Variants in EXOC5 observed in about 807,000 individuals in gnomAD.
EXOC5 encodes the protein SEC10-like 1.
In EXOC5, 17 loss-of-function variants were observed where a neutral mutation model predicts 90.8. The observed-to-expected ratio is 0.19, with a 90% confidence interval of 0.13 to 0.28. The LOEUF (loss-of-function observed/expected upper bound fraction) is 0.28, where lower values mean the gene tolerates loss of function less well. EXOC5 is among the 10% of genes least tolerant of loss of function. EXOC5 has a pLI of 1.00. For synonymous variants in EXOC5, 260 were observed against 270.0 expected (o/e 0.96, Z 0.36); for missense variants, 569 against 830.6 (o/e 0.69, Z 3.87).
In EXOC5 at chr14:57,219,461, C is replaced by T. The variant is rs1471695742; in HGVS notation, c.1406-19G>A. ...GGAATTCCTAAAACCAGAAAGCATA[C>T]ATATGTTAGAATCATCCTTGAAGAA... On this transcript the variant is annotated intron_variant, in intron 13 of 17. Coordinates refer to ENST00000621441, the MANE Select transcript of EXOC5 (RefSeq NM_006544.4). The T allele has an allele frequency of 1.5e-5, 24 of 1,554,278 alleles. No individual in the cohort carries two copies. The highest frequency in any genetic ancestry group is 2.1e-5 in the Admixed American group (1 of 47,582).
In EXOC5 at chr14:57,205,779, A is replaced by G. The variant is rs552282223; in HGVS notation, c.*2830T>C. 98 of 425,348 alleles carry G rather than the reference A, an allele frequency of 2.3e-4. No individual in the cohort carries two copies. The highest frequency in any genetic ancestry group is 1.5e-3 in the African/African-American group (72 of 47,868). The allele number at this position is 425,348 out of a possible 1,614,324, so 26.3% of individuals were successfully genotyped here. A position where few individuals can be genotyped will look rare whatever the true frequency, so the allele number is the denominator to read the frequency against. ...AAAGAATGATCTACAATGTAATATA[A>G]ATTAACCTAATTTAAATTAGATTTT... is the stretch of plus-strand genomic sequence containing the variant. On this transcript the variant is annotated 3_prime_UTR_variant, in exon 18 of 18. Coordinates refer to ENST00000621441, the MANE Select transcript of EXOC5 (RefSeq NM_006544.4).
chr14:57,203,766 C>T lies in EXOC5; in HGVS notation c.*4843G>A, dbSNP rs1419906192. The stretch of plus-strand genomic sequence containing the variant: ...TCAGTTGGATACTGTCTCTTAAACA[C>T]AGTAATATAAATATTAGTATCTTGG... On this transcript the variant is annotated 3_prime_UTR_variant, in exon 18 of 18. Transcript: ENST00000621441. 6.6e-6 allele frequency: 1 copy of T among 152,458 alleles called. No individual in the cohort carries two copies. Among genetic ancestry groups the T allele is most frequent in the Non-Finnish European group, 1.5e-5 (1 of 68,010 alleles). 9.4% of individuals were successfully genotyped at this position (152,458 alleles called of 1,614,324 possible). A position where few individuals can be genotyped will look rare whatever the true frequency, so the allele number is the denominator to read the frequency against.
At chr14:57,227,563 C>A (rs1883346553) in intron 12 of EXOC5, among the ~76,000 whole-genome samples, 1 of 152,136 alleles carries the variant, frequency 6.6e-6, no homozygotes, top group East Asian at 1.9e-4. Flanking sequence ...GTACCAATTT[C>A]ACTCCCATTG....
intron 1 of EXOC5, among the ~76,000 whole-genome samples, chr14:57,248,599 A>C (rs1805196667): frequency 6.6e-6 from 1 of 152,108 alleles, no homozygotes; most frequent in South Asian, 2.1e-4. Context: ...CCATCAACAG[A>C]TAATACATTT....
chr14:57,215,915 G>A (rs759304909), intron 15 of EXOC5, among the ~76,000 whole-genome samples: 2 of 151,994 alleles, frequency 1.3e-5, no homozygotes, highest in African/African-American at 4.8e-5. Flanking sequence ...TATGATCTTA[G>A]ATAGAGAAAA....
In EXOC5 at chr14:57,247,662, TG is replaced by T; in HGVS notation, c.77del (p.Pro26GlnfsTer18). 6.4e-7 allele frequency: 1 copy of T among 1,573,762 alleles called. No homozygotes were observed. Among genetic ancestry groups the T allele is most frequent in the South Asian group, 1.2e-5 (1 of 85,358 alleles). ...EYIERLVWRT[P>X]GGGSRGGPEA... ...CAGGTCCACCTCTAGAGCCTCCTCC[TG>T]GGGTTCTCCATACAAGACGTTCAAT... On this transcript the variant is annotated frameshift_variant, in exon 2 of 18. Coordinates refer to ENST00000621441, the MANE Select transcript of EXOC5 (RefSeq NM_006544.4). LOFTEE classifies it high-confidence loss of function.
chr14:57,220,165 T>A (rs1883085878), intron 13 of EXOC5, among the ~76,000 whole-genome samples: 3 of 152,074 alleles, frequency 2.0e-5, no homozygotes. Flanking sequence ...AATGATTTTT[T>A]TTTTCTCTTA....
intron 6 of EXOC5, 77 bp downstream of exon 6, chr14:57,237,261 C>T: frequency 2.5e-6 from 2 of 788,910 alleles, no homozygotes; most frequent in Admixed American, 2.2e-5. Context: ...CCTGCTTTTT[C>T]TCCTTTTGCT....
chr14:57,229,814 G>A lies in EXOC5; in HGVS notation c.1216C>T (p.His406Tyr). ...NLPLGPSIDT[H>Y]GETFLSQEVV... The stretch of plus-strand genomic sequence containing the variant: ...TCTTGGGATAGAAAAGTCTCCCCAT[G>A]AGTATCGATACTTGGCCCAAGTGGT... The change falls in exon 12 of 18, where the codon CAT (histidine) becomes TAT (tyrosine). Residue 406 changes from histidine (H) to tyrosine (Y), a missense_variant. Transcript: ENST00000621441. 2 of 1,530,896 alleles carry A rather than the reference G, an allele frequency of 1.3e-6. No homozygotes were observed. Among genetic ancestry groups the A allele is most frequent in the Non-Finnish European group, 1.8e-6 (2 of 1,132,938 alleles). The allele number at this position is 1,530,896 out of a possible 1,614,324, so 94.8% of individuals were successfully genotyped here. A position where few individuals can be genotyped will look rare whatever the true frequency, so the allele number is the denominator to read the frequency against.
At position 57,206,382 on chromosome 14, in the gene EXOC5, AT is replaced by A. The variant is rs10706566; in HGVS notation, c.*2226del. 45,563 of 150,662 alleles carry A rather than the reference AT, an allele frequency of 0.3. 11,965 individuals carry two copies. The highest frequency in any genetic ancestry group is 0.72 in the African/African-American group (29,662 of 41,052). The allele number at this position is 150,662 out of a possible 1,614,324, so 9.3% of individuals were successfully genotyped here. On this transcript the variant is annotated 3_prime_UTR_variant, in exon 18 of 18. Coordinates refer to ENST00000621441, the MANE Select transcript of EXOC5 (RefSeq NM_006544.4). ...GAATGCATATTGCCTCACATGACACATTTTTTTTTTTCCCTCAGAGAAAGAC... is the reference window on the plus strand; with the variant it reads ...GAATGCATATTGCCTCACATGACACATTTTTTTTTTCCCTCAGAGAAAGAC...
At chr14:57,257,603 G>C (rs2139666299) in intron 1 of EXOC5, among the ~76,000 whole-genome samples, 1 of 152,118 alleles carries the variant, frequency 6.6e-6, no homozygotes, top group Admixed American at 6.5e-5. Flanking sequence ...TATCCTCAGA[G>C]ACAAATTATC....
intron 12 of EXOC5, among the ~76,000 whole-genome samples, chr14:57,226,209 CTA>C (rs1354092099): frequency 2.0e-5 from 3 of 152,146 alleles, no homozygotes; most frequent in Non-Finnish European, 4.4e-5. Flanking sequence ...CAAGGAATTC[CTA>C]TCTTACTTAG....
intron 1 of EXOC5, among the ~76,000 whole-genome samples, chr14:57,248,378 T>C (rs1884088589): frequency 6.6e-6 from 1 of 152,050 alleles, no homozygotes. Flanking sequence ...AAAGCCATAG[T>C]TGACAAATTA....
At position 57,233,892 on chromosome 14, in the gene EXOC5, C is replaced by T; in HGVS notation, c.715-9G>A. On this transcript the variant is annotated splice_polypyrimidine_tract_variant and intron_variant, in intron 8 of 17. Transcript: ENST00000621441. ...TTTCTCAAATAAGCACCCTAAACAG[C>T]AGAGACATTTTATACAGTGAACATA... 1 of 1,608,466 alleles carries T rather than the reference C, an allele frequency of 6.2e-7. No homozygotes were observed. Among genetic ancestry groups the T allele is most frequent in the Non-Finnish European group, 8.5e-7 (1 of 1,175,708 alleles).
chr14:57,216,507 T>C (rs1267184901), intron 15 of EXOC5, among the ~76,000 whole-genome samples: 1 of 152,146 alleles, frequency 6.6e-6, no homozygotes, highest in Non-Finnish European at 1.5e-5. Context: ...TCAACTGCTC[T>C]TTAACAAGGG....
intron 1 of EXOC5, among the ~76,000 whole-genome samples, chr14:57,255,712 G>A (rs556753286): frequency 6.6e-6 from 1 of 152,130 alleles, no homozygotes; most frequent in South Asian, 2.1e-4. Context: ...GGCACCTGTA[G>A]TCCTAGCTAC....
chr14:57,268,671 C>A lies in EXOC5; in HGVS notation c.-23G>T. 1.3e-6 allele frequency: 2 copies of A among 1,577,956 alleles called. No individual in the cohort carries two copies. The highest frequency in any genetic ancestry group is 1.7e-5 in the Admixed American group (1 of 57,318). Reference sequence around the variant, plus strand: ...CATCCCGGCCGGCTGAGAGGCTCGCCCCCCACTGGATGCCGTCTCCGCTTC... The same window carrying A: ...CATCCCGGCCGGCTGAGAGGCTCGCACCCCACTGGATGCCGTCTCCGCTTC... On this transcript the variant is annotated 5_prime_UTR_variant, in exon 1 of 18. Coordinates refer to ENST00000621441, the MANE Select transcript of EXOC5 (RefSeq NM_006544.4).
chr14:57,259,703 G>A (rs777210000), intron 1 of EXOC5, among the ~76,000 whole-genome samples: 9 of 152,130 alleles, frequency 5.9e-5, no homozygotes, highest in Non-Finnish European at 1.2e-4. Flanking sequence ...AAACCCCTAT[G>A]AAGCTTAAAA....
intron 13 of EXOC5, among the ~76,000 whole-genome samples, chr14:57,220,135 C>G (rs1883083618): frequency 6.6e-6 from 1 of 151,910 alleles, no homozygotes; most frequent in Admixed American, 6.6e-5. Context: ...AGGCTTGACA[C>G]ATAGAGTTCT....
Sources: allele counts gnomAD v4.1 joint callset (sites outside exome capture counted in the v4.1 genomes callset), GRCh38; gene constraint gnomAD v4.1.1; transcripts MANE v1.5; gene names NCBI Gene and HGNC (gene_info 2026-07-23, HGNC 2026-07-21).